The following ARHGAP24 variants were observed in gnomAD, a reference collection of about 807,000 sequenced individuals.
ARHGAP24 encodes the protein rho GTPase-activating protein 24.
In ARHGAP24, 50 loss-of-function variants were observed where a neutral mutation model predicts 76.4. The ratio of observed to expected loss-of-function variants is 0.65; its 90% confidence interval spans 0.52 to 0.83. ARHGAP24 has a LOEUF of 0.83. Ranked by LOEUF, ARHGAP24 falls within the 40% of genes least tolerant of loss-of-function variation. The pLI is 0.00. For synonymous variants in ARHGAP24, 345 were observed against 323.3 expected, an observed-to-expected ratio of 1.07 and a Z score of -0.72; for missense variants, 930 against 914.2, an observed-to-expected ratio of 1.02 and a Z score of -0.22.
At chr4:85,683,125 G>GGGA (rs1553922590) in intron 2 of ARHGAP24, among the ~76,000 whole-genome samples, 3 of 107,658 alleles carry the variant, frequency 2.8e-5, no homozygotes, top group Non-Finnish European at 5.6e-5. Context: ...GGTGGGGGGG[G>GGGA]GGTGCGGGGG....
intron 2 of ARHGAP24, among the ~76,000 whole-genome samples, chr4:85,573,723 G>A (rs1408906339): frequency 6.6e-6 from 1 of 152,134 alleles, no homozygotes; most frequent in Admixed American, 6.5e-5. Context: ...TTGTATTTGT[G>A]TGTTTATGAT....
At chr4:85,872,539 G>A (rs1007165067) in intron 3 of ARHGAP24, among the ~76,000 whole-genome samples, 13 of 145,024 alleles carry the variant, frequency 9.0e-5, no homozygotes, top group African/African-American at 1.5e-4. Flanking sequence ...CAGGTGATCC[G>A]TCCACCTCGG....
chr4:85,714,707 A>T (rs910886986), intron 2 of ARHGAP24, among the ~76,000 whole-genome samples: 1 of 152,088 alleles, frequency 6.6e-6, no homozygotes, highest in African/African-American at 2.4e-5. Flanking sequence ...TCTCCCAAAA[A>T]ATTATGCATC....
At chr4:85,595,547 T>A (rs1340862395) in intron 2 of ARHGAP24, among the ~76,000 whole-genome samples, 1 of 152,096 alleles carries the variant, frequency 6.6e-6, no homozygotes, top group Non-Finnish European at 1.5e-5. Flanking sequence ...AATTACAAAA[T>A]CAGTTCCTTC....
At chr4:85,492,164 A>G (rs1453026480) in intron 1 of ARHGAP24, among the ~76,000 whole-genome samples, 1 of 149,678 alleles carries the variant, frequency 6.7e-6, no homozygotes, top group African/African-American at 2.5e-5. Context: ...TTGTCATATC[A>G]GTTTCCTCTA....
At chr4:85,850,708 C>G (rs1277720743) in intron 3 of ARHGAP24, among the ~76,000 whole-genome samples, 2 of 152,048 alleles carry the variant, frequency 1.3e-5, no homozygotes, top group African/African-American at 2.4e-5. Flanking sequence ...CATTACATAC[C>G]CAGTAGTCAT....
chr4:85,772,319 A>C (rs1727161767), intron 3 of ARHGAP24, among the ~76,000 whole-genome samples: 2 of 152,224 alleles, frequency 1.3e-5, no homozygotes, highest in Non-Finnish European at 2.9e-5. Flanking sequence ...TCTTACTCTC[A>C]GAAAGTCAAG....
chr4:85,664,580 T>G (rs1166802770), intron 2 of ARHGAP24, among the ~76,000 whole-genome samples: 9 of 150,606 alleles, frequency 6.0e-5, no homozygotes, highest in Admixed American at 2.0e-4. Context: ...GCTCTTGCTT[T>G]TCTAGTTCTT....
At chr4:85,704,666 G>A (rs1437164374) in intron 2 of ARHGAP24, among the ~76,000 whole-genome samples, 1 of 152,062 alleles carries the variant, frequency 6.6e-6, no homozygotes, top group African/African-American at 2.4e-5. Context: ...TAACAACTTA[G>A]TAATAAGTGG....
chr4:85,869,728 G>A (rs893005981), intron 3 of ARHGAP24, among the ~76,000 whole-genome samples: 3 of 152,128 alleles, frequency 2.0e-5, no homozygotes, highest in African/African-American at 7.2e-5. Context: ...TCTTGTTAAA[G>A]GCACTGATTA....
intron 4 of ARHGAP24, chr4:85,930,525 C>A: frequency 2.0e-6 from 2 of 1,009,304 alleles, no homozygotes; most frequent in Non-Finnish European, 2.4e-6. Flanking sequence ...ATTTGCTGAC[C>A]TTTCCAGAGG....
chr4:85,567,283 G>T (rs1726888407), intron 1 of ARHGAP24, among the ~76,000 whole-genome samples: 1 of 152,160 alleles, frequency 6.6e-6, no homozygotes, highest in South Asian at 2.1e-4. Context: ...GAAGCAGTGA[G>T]ACTCCTTGGA....
intron 2 of ARHGAP24, among the ~76,000 whole-genome samples, chr4:85,690,444 T>C (rs1038711656): frequency 6.6e-6 from 1 of 152,118 alleles, no homozygotes; most frequent in South Asian, 2.1e-4. Flanking sequence ...TCCAGGGCTT[T>C]TTGTGTATGT....
At chr4:85,669,272 A>G (rs912441038) in intron 2 of ARHGAP24, among the ~76,000 whole-genome samples, 1 of 152,052 alleles carries the variant, frequency 6.6e-6, no homozygotes, top group Non-Finnish European at 1.5e-5. Flanking sequence ...GTAATTGAGG[A>G]ATTTTGATAC....
At chr4:85,585,642 A>G (rs1727826112) in intron 2 of ARHGAP24, among the ~76,000 whole-genome samples, 2 of 152,246 alleles carry the variant, frequency 1.3e-5, no homozygotes, top group South Asian at 4.1e-4. Context: ...ATTTCATGGA[A>G]TTGAGTAGAT....
chr4:85,747,807 A>G (rs1336770420), intron 3 of ARHGAP24, among the ~76,000 whole-genome samples: 1 of 152,252 alleles, frequency 6.6e-6, no homozygotes, highest in Non-Finnish European at 1.5e-5. Context: ...TTTAAAATAT[A>G]TTTTAAAATC....
At chr4:85,854,871 G>T (rs542484554) in intron 3 of ARHGAP24, among the ~76,000 whole-genome samples, 1 of 152,320 alleles carries the variant, frequency 6.6e-6, no homozygotes, top group African/African-American at 2.4e-5. Context: ...CCAAAGGAAA[G>T]CAACAACAAA....
intron 3 of ARHGAP24, among the ~76,000 whole-genome samples, chr4:85,775,863 G>A: frequency 6.6e-6 from 1 of 151,970 alleles, no homozygotes. Context: ...ATGAAGGAGA[G>A]TAATCATGGG....
chr4:85,597,121 G>T lies in ARHGAP24; in HGVS notation c.180+26400G>T, dbSNP rs76023838. On this transcript the variant is annotated intron_variant, in intron 2 of 9. Transcript: ENST00000395184. ...CTTAGTATTTCAACATATACTTTCT[G>T]TAGACATGTGTTACTTTCATGAATA... 7.1e-4 allele frequency among the ~76,000 whole-genome samples: 108 copies of T among 152,146 alleles called. 1 individual carries two copies. In the East Asian group the frequency reaches 0.02, roughly 28 times the overall value.
Sources: allele counts gnomAD v4.1 joint callset (sites outside exome capture counted in the v4.1 genomes callset), GRCh38; gene constraint gnomAD v4.1.1; transcripts MANE v1.5; gene names NCBI Gene and HGNC (gene_info 2026-07-23, HGNC 2026-07-21).